Variants in COL12A1 observed in about 807,000 individuals in gnomAD.
COL12A1 encodes the protein collagen type XII alpha 1 chain, also known as collagen alpha-1(XII) chain.
Under a neutral mutation model 349.7 loss-of-function variants are expected in COL12A1, and 114 were observed. The observed-to-expected ratio is 0.33, with a 90% confidence interval of 0.28 to 0.38. The LOEUF is 0.38. Among genes scored for constraint, COL12A1 ranks in the 10% least tolerant of loss-of-function variants. The pLI is 1.00. For synonymous variants in COL12A1, 1,369 were observed against 1,329.0 expected (o/e 1.03, Z -0.66); for missense variants, 3,284 against 3,756.9 (o/e 0.87, Z 3.29).
At chr6:75,141,965 T>C in intron 27 of COL12A1, 67 bp downstream of exon 27, 2 of 1,575,580 alleles carry the variant, frequency 1.3e-6, no homozygotes, top group Admixed American at 3.4e-5. Flanking sequence ...AATGACCCAG[T>C]AAATTGTGTT....
At chr6:75,166,141 G>A (rs1215582697) in intron 13 of COL12A1, among the ~76,000 whole-genome samples, 1 of 152,000 alleles carries the variant, frequency 6.6e-6, no homozygotes, top group African/African-American at 2.4e-5. Context: ...ATTTTTGTCT[G>A]CCTTGTGACA....
At chr6:75,150,361 C>G (rs1176149617) in intron 21 of COL12A1, among the ~76,000 whole-genome samples, 1 of 152,040 alleles carries the variant, frequency 6.6e-6, no homozygotes, top group East Asian at 1.9e-4. Context: ...TATCCTAATT[C>G]CTTAGCTATA....
chr6:75,155,524 C>T (rs960992341), intron 16 of COL12A1, 138 bp downstream of exon 16: 3 of 887,556 alleles, frequency 3.4e-6, no homozygotes, highest in Non-Finnish European at 3.3e-6. Context: ...AAGAAAACAG[C>T]TTTAGCTGAT....
In COL12A1 at chr6:75,143,427, C is replaced by G. The variant is rs56115658; in HGVS notation, c.4691-39G>C. The G allele has an allele frequency of 3.8e-4, 607 of 1,601,098 alleles. 1 individual carries two copies. The highest frequency in any genetic ancestry group is 4.9e-4 in the Non-Finnish European group (576 of 1,176,892). Reference sequence around the variant, plus strand: ...AGATATTAAATCCAGATGTGCTTCTCAACCACAAAGCTCCAAAGCATCCAT... The same window carrying G: ...AGATATTAAATCCAGATGTGCTTCTGAACCACAAAGCTCCAAAGCATCCAT... On this transcript the variant is annotated intron_variant, in intron 25 of 65. Coordinates refer to ENST00000322507, the MANE Select transcript of COL12A1 (RefSeq NM_004370.6).
Position 75,133,843 on chromosome 6 carries a change from A to G in COL12A1, c.5664+15T>C. On this transcript the variant is annotated intron_variant, in intron 33 of 65. Coordinates refer to ENST00000322507, the MANE Select transcript of COL12A1 (RefSeq NM_004370.6). ...TTTAAACAAACTAGCATTTTTTACTACAAGAAATAATTACCAGTTCCTCTG... is the reference window on the plus strand; with the variant it reads ...TTTAAACAAACTAGCATTTTTTACTGCAAGAAATAATTACCAGTTCCTCTG... 1.9e-6 allele frequency: 3 copies of G among 1,613,102 alleles called. No individual in the cohort carries two copies. Among genetic ancestry groups the G allele is most frequent in the African/African-American group, 1.3e-5 (1 of 74,950 alleles).
intron 8 of COL12A1, among the ~76,000 whole-genome samples, chr6:75,185,873 C>A (rs1427837157): frequency 6.6e-6 from 1 of 151,986 alleles, no homozygotes; most frequent in East Asian, 1.9e-4. Context: ...GGGAAAGGAC[C>A]CCCTATTCAA....
chr6:75,189,399 A>T lies in COL12A1; in HGVS notation c.659-18T>A. 6.2e-7 allele frequency: 1 copy of T among 1,610,156 alleles called. No homozygotes were observed. Among genetic ancestry groups the T allele is most frequent in the Non-Finnish European group, 8.5e-7 (1 of 1,178,650 alleles). On this transcript the variant is annotated intron_variant, in intron 6 of 65. Transcript: ENST00000322507. ...GGCATCCCCTAAAGGGAAAAGAAAC[A>T]TGTTCATTTACTCTGTACTACACAA...
chr6:75,097,907 C>A (rs541564110), intron 58 of COL12A1, among the ~76,000 whole-genome samples: 1 of 152,228 alleles, frequency 6.6e-6, no homozygotes, highest in Admixed American at 6.5e-5. Context: ...CCCAAAAAAA[C>A]AATAAGAATT....
At position 75,161,626 on chromosome 6, in the gene COL12A1, A is replaced by G. The variant is rs1459579585; in HGVS notation, c.2983+3881T>C. On this transcript the variant is annotated intron_variant, in intron 14 of 65. Transcript: ENST00000322507. ...AAGGATGCCCTCTCTCACTACTCCT[A>G]TTCAACATAGTATTGGAAGTTCTGG... 2.6e-5 allele frequency among the ~76,000 whole-genome samples: 4 copies of G among 152,302 alleles called. 1 individual carries two copies. In the South Asian group the frequency reaches 8.3e-4, roughly 32 times the overall value.
Position 75,119,453 on chromosome 6 carries a change from G to A in COL12A1, c.7107C>T (p.Ser2369=), listed in dbSNP as rs754178898. The A allele has an allele frequency of 1.8e-5, 29 of 1,612,736 alleles. No homozygotes were observed. The Middle Eastern group carries it at 4.9e-4, about 27-fold the overall frequency. Residue 2369 remains serine, a synonymous_variant, in exon 45 of 66, where the codon AGC becomes AGT. Coordinates refer to ENST00000322507, the MANE Select transcript of COL12A1 (RefSeq NM_004370.6). Reference sequence around the variant, plus strand: ...GCTTGAACTCAGACTTGACCTCATCGCTGTATTGCACAAATGAAACCTGAA... The same window carrying A: ...GCTTGAACTCAGACTTGACCTCATCACTGTATTGCACAAATGAAACCTGAA... The part of the protein sequence containing the change: ...AGIQVSFVQY[S]DEVKSEFKLN...
chr6:75,178,406 A>G (rs1054342422), intron 11 of COL12A1, among the ~76,000 whole-genome samples: 4 of 152,180 alleles, frequency 2.6e-5, no homozygotes, highest in Non-Finnish European at 5.9e-5. Flanking sequence ...TCCGTCCCAC[A>G]CTAACTTTTT....
At position 75,085,363 on chromosome 6, in the gene COL12A1, G is replaced by C. The variant is rs1483061606; in HGVS notation, c.*1184C>G. 4.3e-6 allele frequency: 2 copies of C among 470,580 alleles called. No homozygotes were observed. The highest frequency in any genetic ancestry group is 8.8e-6 in the Non-Finnish European group (2 of 226,984). 29.2% of individuals were successfully genotyped at this position (470,580 alleles called of 1,614,324 possible). A position where few individuals can be genotyped will look rare whatever the true frequency, so the allele number is the denominator to read the frequency against. ...TAGGCCCCGCCCTCGGGCACGTAAG[G>C]CTCTGTCCGATTCAACATTACAATT... On this transcript the variant is annotated 3_prime_UTR_variant, in exon 66 of 66. Coordinates refer to ENST00000322507, the MANE Select transcript of COL12A1 (RefSeq NM_004370.6).
intron 25 of COL12A1, 50 bp from the exon 26 acceptor site, chr6:75,143,438 C>T: frequency 9.5e-6 from 15 of 1,585,860 alleles, no homozygotes; most frequent in Non-Finnish European, 1.3e-5. Context: ...AACCACAAAG[C>T]TCCAAAGCAT....
At chr6:75,175,363 T>C in intron 12 of COL12A1, 53 bp from the exon 13 acceptor site, 1 of 1,570,934 alleles carries the variant, frequency 6.4e-7, no homozygotes. Flanking sequence ...AAAAATGACT[T>C]GAAAAACACT....
At chr6:75,182,978 A>G (rs149154446) in intron 10 of COL12A1, 72 bp downstream of exon 10, 34 of 1,500,324 alleles carry the variant, frequency 2.3e-5, no homozygotes, top group Non-Finnish European at 2.9e-5. Flanking sequence ...GAACAAGCAT[A>G]TTATCCACAA....
chr6:75,189,942 T>G (rs559778142), intron 5 of COL12A1, 127 bp from the exon 6 acceptor site: 21 of 983,700 alleles, frequency 2.1e-5, no homozygotes, highest in Middle Eastern at 2.2e-4. Context: ...CCAATTGTTC[T>G]TCACCCACAT....
chr6:75,163,262 C>G (rs1322673347), intron 14 of COL12A1, among the ~76,000 whole-genome samples: 1 of 152,120 alleles, frequency 6.6e-6, no homozygotes. Context: ...GGAACCAACC[C>G]AAATGCCCAT....
chr6:75,150,360 T>G (rs1358221952), intron 21 of COL12A1, among the ~76,000 whole-genome samples: 1 of 152,164 alleles, frequency 6.6e-6, no homozygotes, highest in Non-Finnish European at 1.5e-5. Context: ...ATATCCTAAT[T>G]CCTTAGCTAT....
At position 75,183,860 on chromosome 6, in the gene COL12A1, G is replaced by C. The variant is rs1474633531; in HGVS notation, c.1282C>G (p.Gln428Glu). 1 of 1,613,932 alleles carries C rather than the reference G, an allele frequency of 6.2e-7. No homozygotes were observed. Among genetic ancestry groups the C allele is most frequent in the African/African-American group, 1.3e-5 (1 of 75,038 alleles). Residue 428 changes from glutamine to glutamate, a missense_variant, in exon 9 of 66, where the codon CAA becomes GAA. By Grantham distance (29) the Gln-to-Glu change is conservative (BLOSUM62 2). Coordinates refer to ENST00000322507, the MANE Select transcript of COL12A1 (RefSeq NM_004370.6). ...GATGCACACATTGACTTACCCACTT[G>C]AACTTTCATTGGCTGAGTCTTCTCC... The part of the protein sequence containing the change: ...IMEKTQPMKV[Q>E]VECSRGVDIK...
Sources: gnomAD v4.1 joint callset for allele counts (sites outside exome capture counted in the v4.1 genomes callset) on GRCh38, gnomAD v4.1.1 for gene constraint, MANE v1.5 for transcripts, NCBI Gene and HGNC (gene_info 2026-07-23, HGNC 2026-07-21) for gene names.